The following FRMD4A variants were observed in gnomAD, a reference collection of about 807,000 sequenced individuals.
FRMD4A encodes the protein FERM domain-containing protein 4A.
FRMD4A carries 29 observed loss-of-function variants against 129.1 expected under a neutral mutation model. That is an observed-to-expected ratio of 0.22 (90% CI 0.17 to 0.31). FRMD4A has a LOEUF of 0.31. Among genes scored for constraint, FRMD4A ranks in the 10% least tolerant of loss-of-function variants. The probability of loss-of-function intolerance (pLI) is 1.00; values close to 1 mark genes in which losing one functional copy is unlikely to be tolerated. For synonymous variants in FRMD4A, 634 were observed against 571.6 expected, an observed-to-expected ratio of 1.11 and a Z score of -1.56; for missense variants, 1,272 against 1,375.8, an observed-to-expected ratio of 0.92 and a Z score of 1.19.
At chr10:13,685,135 G>C (rs994758650) in intron 15 of FRMD4A, 16 of 984,564 alleles carry the variant, frequency 1.6e-5, no homozygotes, top group Non-Finnish European at 1.8e-5. Flanking sequence ...TAGAGAATTA[G>C]ATGTGATTTT....
chr10:13,695,698 C>T (rs1252575733), intron 14 of FRMD4A, among the ~76,000 whole-genome samples: 1 of 152,242 alleles, frequency 6.6e-6, no homozygotes, highest in Non-Finnish European at 1.5e-5. Context: ...GCGAGGTTCA[C>T]CATTGTAGCT....
intron 2 of FRMD4A, among the ~76,000 whole-genome samples, chr10:14,127,678 G>C (rs74122502): frequency 0.026 from 3,926 of 152,204 alleles, 178 homozygotes; most frequent in African/African-American, 0.09. Flanking sequence ...TCACAGCTCT[G>C]TTCCTGACTA....
intron 2 of FRMD4A, among the ~76,000 whole-genome samples, chr10:13,940,579 C>G (rs2095283597): frequency 6.6e-6 from 1 of 152,140 alleles, no homozygotes; most frequent in African/African-American, 2.4e-5. Flanking sequence ...TCCATCTCAA[C>G]CTCCGTGCTA....
chr10:13,762,030 T>C (rs1207504562), intron 7 of FRMD4A, among the ~76,000 whole-genome samples: 1 of 152,190 alleles, frequency 6.6e-6, no homozygotes, highest in East Asian at 1.9e-4. Context: ...TTGGTTTGTA[T>C]TTTATGCTAG....
At chr10:13,715,803 G>A (rs1385143282) in intron 12 of FRMD4A, among the ~76,000 whole-genome samples, 1 of 151,870 alleles carries the variant, frequency 6.6e-6, no homozygotes, top group Non-Finnish European at 1.5e-5. Context: ...CTATTCAGGA[G>A]GCTGAGGAAG....
At chr10:13,971,992 G>A in intron 2 of FRMD4A, 1 of 1,181,902 alleles carries the variant, frequency 8.5e-7, no homozygotes, top group Non-Finnish European at 1.1e-6. Context: ...AATCCTCAGA[G>A]ACTGCTTTCC....
In FRMD4A at chr10:13,810,823, G is replaced by A; in HGVS notation, c.197C>T (p.Thr66Ile). Reference sequence around the variant, plus strand: ...TCAAGGCAGTACTTACGTTTCATCTGTGAATGCTATTCCAAAGTACTCCTT... The same window carrying A: ...TCAAGGCAGTACTTACGTTTCATCTATGAATGCTATTCCAAAGTACTCCTT... ...KEKEYFGIAF[T>I]DETGHLNWLQ... Residue 66 changes from threonine to isoleucine, a missense_variant, in exon 4 of 25, where the codon ACA becomes ATA. Around this residue, in one of 2 missense-constraint regions of FRMD4A, gnomAD observed 300 missense variants for 483.6 expected, o/e 0.62. Coordinates refer to ENST00000357447, the MANE Select transcript of FRMD4A (RefSeq NM_018027.5). 6.4e-7 allele frequency: 1 copy of A among 1,557,136 alleles called. No homozygotes were observed. Among genetic ancestry groups the A allele is most frequent in the Non-Finnish European group, 8.9e-7 (1 of 1,128,762 alleles).
chr10:14,148,559 C>T (rs560228003), intron 2 of FRMD4A, among the ~76,000 whole-genome samples: 2 of 152,144 alleles, frequency 1.3e-5, no homozygotes, highest in South Asian at 2.1e-4. Context: ...GTCAGGAGTT[C>T]GAGACCAGCC....
chr10:14,129,313 G>A (rs114101556), intron 2 of FRMD4A, among the ~76,000 whole-genome samples: 1,724 of 139,536 alleles, frequency 0.012, 37 homozygotes, highest in African/African-American at 0.04. Flanking sequence ...CAAAAAAATC[G>A]CTCTGAGAGC....
In FRMD4A at chr10:14,017,666, C is replaced by T. The variant is rs2095703488; in HGVS notation, c.46-158754G>A. On this transcript the variant is annotated intron_variant, in intron 2 of 24. Transcript: ENST00000357447. ...CTTGGTTCAAGTAATCCCTCTGGTG[C>T]TGCAAAGGACAATGGCTTTCTTTAG... is the stretch of plus-strand genomic sequence containing the variant. Among the ~76,000 whole-genome samples, 4 of 152,202 alleles carry T rather than the reference C, an allele frequency of 2.6e-5. No individual in the cohort carries two copies. In the South Asian group the frequency reaches 8.3e-4, roughly 32 times the overall value.
At chr10:13,967,959 C>G (rs576273800) in intron 2 of FRMD4A, among the ~76,000 whole-genome samples, 1 of 152,276 alleles carries the variant, frequency 6.6e-6, no homozygotes, top group East Asian at 1.9e-4. Flanking sequence ...GGTGGAGGAT[C>G]CCCAGAGCCC....
intron 8 of FRMD4A, among the ~76,000 whole-genome samples, chr10:13,758,338 G>A (rs1421704200): frequency 1.3e-5 from 2 of 152,166 alleles, no homozygotes; most frequent in African/African-American, 4.8e-5. Flanking sequence ...TAGACCCTGT[G>A]TTATATCTAG....
intron 12 of FRMD4A, chr10:13,707,339 C>T (rs368878836): frequency 4.0e-6 from 5 of 1,245,280 alleles, no homozygotes; most frequent in Non-Finnish European, 2.0e-6. Context: ...CCTGCAGGTT[C>T]CTTAACTGGA....
At chr10:13,653,230 G>A (rs1402829226) in intron 23 of FRMD4A, 1 of 152,224 alleles carries the variant, frequency 6.6e-6, no homozygotes, top group Non-Finnish European at 1.5e-5. Context: ...TAAACCTGCA[G>A]GAACAAAAAT....
intron 15 of FRMD4A, among the ~76,000 whole-genome samples, chr10:13,683,550 T>A (rs886691340): frequency 7.9e-5 from 12 of 151,890 alleles, no homozygotes; most frequent in African/African-American, 2.9e-4. Flanking sequence ...TGAGCTATGC[T>A]CACACCACTG....
intron 18 of FRMD4A, among the ~76,000 whole-genome samples, chr10:13,665,878 C>T (rs1308158965): frequency 1.3e-5 from 2 of 152,244 alleles, no homozygotes; most frequent in Non-Finnish European, 2.9e-5. Flanking sequence ...GTGATACCAA[C>T]AGTTTGATTC....
At chr10:13,688,855 T>A (rs964717116) in intron 15 of FRMD4A, among the ~76,000 whole-genome samples, 1 of 152,014 alleles carries the variant, frequency 6.6e-6, no homozygotes, top group Non-Finnish European at 1.5e-5. Flanking sequence ...GTATCTGGGA[T>A]TATGGGTGTG....
intron 2 of FRMD4A, among the ~76,000 whole-genome samples, chr10:13,953,730 G>C (rs2095389883): frequency 6.6e-6 from 1 of 152,152 alleles, no homozygotes. Flanking sequence ...ATTAGTTATA[G>C]TGGTTAATCT....
At chr10:13,970,703 GCCCCCCAC>G (rs1565137843) in intron 2 of FRMD4A, among the ~76,000 whole-genome samples, 1 of 152,030 alleles carries the variant, frequency 6.6e-6, no homozygotes, top group African/African-American at 2.4e-5. Context: ...TGCTGCCTGC[GCCCCCCAC>G]TCCCCACGCA....
Sources: allele counts gnomAD v4.1 joint callset (sites outside exome capture counted in the v4.1 genomes callset), GRCh38; gene constraint gnomAD v4.1.1; regional missense constraint gnomAD v4.1.1; transcripts MANE v1.5; gene names NCBI Gene and HGNC (gene_info 2026-07-23, HGNC 2026-07-21).